Variants in NINJ2 observed in about 807,000 individuals in gnomAD.
NINJ2 encodes ninjurin 2.
A neutral mutation model predicts 11.7 loss-of-function variants in NINJ2; 12 were observed. The ratio of observed to expected loss-of-function variants is 1.02; its 90% CI spans 0.66 to 1.66. The LOEUF (loss-of-function observed/expected upper bound fraction) is 1.66. Ranked by LOEUF, NINJ2 falls within the 40% of genes most tolerant of loss-of-function variation. The pLI, the probability that NINJ2 is intolerant of heterozygous loss-of-function variation, is 0.00. For missense variants in NINJ2, 187 were observed against 181.8 expected (o/e 1.03, Z -0.16); for synonymous variants, 93 against 76.8 (o/e 1.21, Z -1.10).
chr12:621,105 G>A (rs941164782), intron 1 of NINJ2, among the ~76,000 whole-genome samples: 1 of 152,260 alleles, frequency 6.6e-6, no homozygotes, highest in East Asian at 1.9e-4. Flanking sequence ...TACTAGAAGA[G>A]GTTCCCCTGT....
At chr12:643,911 A>G (rs1937633055) in intron 1 of NINJ2, 1 of 154,994 alleles carries the variant, frequency 6.5e-6, no homozygotes, top group African/African-American at 2.4e-5. Flanking sequence ...AGCCCTTATA[A>G]TATCACCTAT....
chr12:570,114 C>G (rs1947357015), intron 1 of NINJ2, among the ~76,000 whole-genome samples: 1 of 152,216 alleles, frequency 6.6e-6, no homozygotes, highest in African/African-American at 2.4e-5. Context: ...TGCGTCAAGC[C>G]AGAGTTCGAG....
At chr12:643,587 G>A in intron 1 of NINJ2, 1 of 988,088 alleles carries the variant, frequency 1.0e-6, no homozygotes, top group Non-Finnish European at 1.2e-6. Context: ...AGGAAACCGA[G>A]GCTCGGAGAG....
intron 1 of NINJ2, among the ~76,000 whole-genome samples, chr12:611,549 G>T (rs1333676402): frequency 6.6e-6 from 1 of 152,190 alleles, no homozygotes; most frequent in Non-Finnish European, 1.5e-5. Flanking sequence ...TGTTGGCCAG[G>T]CTGGTCTCGA....
Position 566,129 on chromosome 12 carries a change from G to C in NINJ2, c.83C>G (p.Ala28Gly). Residue 28 changes from alanine (A) to glycine (G), a missense_variant, in exon 2 of 4, where the codon GCC (alanine) becomes GGC (glycine). Transcript: ENST00000305108. Reference protein sequence around the residue: ...RSQPINLNHYATKKSVAESML... With the variant: ...RSQPINLNHYGTKKSVAESML... ...GCTCTCCGCCACGCTCTTCTTGGTG[G>C]CGTAATGGTTCAGGTTGATGGGCTG... The C allele has an allele frequency of 6.2e-7, 1 of 1,614,174 alleles. No individual in the cohort carries two copies. Among genetic ancestry groups the C allele is most frequent in the Non-Finnish European group, 8.5e-7 (1 of 1,180,012 alleles).
chr12:603,099 A>G (rs1301758084), intron 1 of NINJ2, among the ~76,000 whole-genome samples: 1 of 152,088 alleles, frequency 6.6e-6, no homozygotes, highest in Non-Finnish European at 1.5e-5. Flanking sequence ...CACCTCCAAA[A>G]GTGCTAGGAT....
chr12:636,810 C>T (rs1174500993), intron 1 of NINJ2, among the ~76,000 whole-genome samples: 1 of 152,158 alleles, frequency 6.6e-6, no homozygotes, highest in African/African-American at 2.4e-5. Context: ...ATGATGCAGC[C>T]AGCAGCCACT....
In NINJ2 at chr12:570,197, G is replaced by GAC. The variant is rs1565618181; in HGVS notation, c.34-4020_34-4019insGT. Among the ~76,000 whole-genome samples, 110 of 152,336 alleles carry GAC rather than the reference G, an allele frequency of 7.2e-4. 1 individual carries two copies. Among genetic ancestry groups the GAC allele is most frequent in the African/African-American group, 2.6e-3 (108 of 41,586 alleles). Reference sequence around the variant, plus strand: ...AAGGGAGGGGCCTCCAGCACAACCTGCAGCCGAGGGGACGGCGGGCAGAAG... The same window carrying GAC: ...AAGGGAGGGGCCTCCAGCACAACCTGACCAGCCGAGGGGACGGCGGGCAGAAG... On this transcript the variant is annotated intron_variant, in intron 1 of 3. Coordinates refer to ENST00000305108, the MANE Select transcript of NINJ2 (RefSeq NM_016533.6).
chr12:656,745 T>C (rs1937878525), intron 1 of NINJ2, among the ~76,000 whole-genome samples: 1 of 141,608 alleles, frequency 7.1e-6, no homozygotes, highest in Admixed American at 7.0e-5. Flanking sequence ...CAAGACTCTG[T>C]CTCAAAAAAA....
chr12:590,354 G>A (rs1947701397), intron 1 of NINJ2, among the ~76,000 whole-genome samples: 1 of 152,200 alleles, frequency 6.6e-6, no homozygotes, highest in Non-Finnish European at 1.5e-5. Flanking sequence ...AGAGGGTGAG[G>A]AAACAGAACT....
intron 1 of NINJ2, among the ~76,000 whole-genome samples, chr12:589,247 A>C (rs1341093404): frequency 6.6e-6 from 1 of 152,246 alleles, no homozygotes; most frequent in Admixed American, 6.5e-5. Context: ...TCAGTAAAAA[A>C]CAATGGACAA....
chr12:645,046 C>G (rs929424361), intron 1 of NINJ2: 3 of 152,194 alleles, frequency 2.0e-5, no homozygotes, highest in Admixed American at 6.5e-5. Flanking sequence ...GACAATCTCT[C>G]TTTAGTGCCA....
At chr12:627,267 A>G (rs1234593949) in intron 1 of NINJ2, among the ~76,000 whole-genome samples, 1 of 152,206 alleles carries the variant, frequency 6.6e-6, no homozygotes, top group African/African-American at 2.4e-5. Context: ...TCCTTTTAGA[A>G]TTGAAGCTTC....
chr12:583,390 C>T (rs898252699), intron 1 of NINJ2, among the ~76,000 whole-genome samples: 1 of 152,262 alleles, frequency 6.6e-6, no homozygotes, highest in Non-Finnish European at 1.5e-5. Flanking sequence ...AAAATACTAA[C>T]GAGCGAGAGA....
At chr12:649,250 T>C (rs146345688) in intron 1 of NINJ2, among the ~76,000 whole-genome samples, 7,118 of 152,110 alleles carry the variant, frequency 0.047, 250 homozygotes, top group Non-Finnish European at 0.071. Flanking sequence ...TTTTGCCATG[T>C]TGGCCAGACT....
intron 1 of NINJ2, among the ~76,000 whole-genome samples, chr12:619,067 T>C (rs750285924): frequency 3.3e-5 from 5 of 152,062 alleles, no homozygotes; most frequent in African/African-American, 4.8e-5. Context: ...TGTGGAGAAA[T>C]AGTTGGGGAG....
intron 1 of NINJ2, among the ~76,000 whole-genome samples, chr12:593,675 A>C (rs1015981480): frequency 4.6e-5 from 7 of 152,100 alleles, no homozygotes; most frequent in Admixed American, 3.9e-4. Flanking sequence ...TGAGTGTGCC[A>C]CTGCCTCCAG....
intron 1 of NINJ2, among the ~76,000 whole-genome samples, chr12:568,058 T>C (rs1947326251): frequency 6.6e-6 from 1 of 152,202 alleles, no homozygotes; most frequent in South Asian, 2.1e-4. Context: ...CCAGACTTTC[T>C]TGATAGTGTA....
chr12:610,456 G>A, intron 1 of NINJ2: 1 of 1,534,874 alleles, frequency 6.5e-7, no homozygotes, highest in Non-Finnish European at 8.7e-7. Flanking sequence ...GGTCAGCCTG[G>A]TGGCTGAGAG....
Sources: allele counts gnomAD v4.1 joint callset (sites outside exome capture counted in the v4.1 genomes callset), GRCh38; gene constraint gnomAD v4.1.1; transcripts MANE v1.5; gene names NCBI Gene and HGNC (gene_info 2026-07-23, HGNC 2026-07-21).